Variants in XKR4 observed in about 807,000 individuals in gnomAD.
XKR4 encodes XK related 4, also known as XK-related protein 4.
A neutral mutation model predicts 53.9 loss-of-function variants in XKR4; 12 were observed. That is an observed-to-expected ratio of 0.22 (90% CI 0.14 to 0.36). The LOEUF (loss-of-function observed/expected upper bound fraction) is 0.36. Ranked by LOEUF, XKR4 falls within the 10% of genes least tolerant of loss-of-function variation. The probability of loss-of-function intolerance (pLI) is 1.00; values close to 1 mark genes in which losing one functional copy is unlikely to be tolerated. For missense variants in XKR4, 799 were observed against 859.5 expected (o/e 0.93, Z 0.88); for synonymous variants, 354 against 362.4 (o/e 0.98, Z 0.26).
At chr8:55,191,990 CT>C (rs1350538876) in intron 1 of XKR4, among the ~76,000 whole-genome samples, 1 of 151,464 alleles carries the variant, frequency 6.6e-6, no homozygotes, top group Non-Finnish European at 1.5e-5. Context: ...AATTTATTAA[CT>C]TTGAGAGAGT....
chr8:55,479,311 A>G (rs1395457239), intron 2 of XKR4, among the ~76,000 whole-genome samples: 1 of 152,132 alleles, frequency 6.6e-6, no homozygotes, highest in Non-Finnish European at 1.5e-5. Context: ...TGGGTACATA[A>G]CAAAATGAAG....
chr8:55,309,802 T>G (rs1170607090), intron 1 of XKR4, among the ~76,000 whole-genome samples: 3 of 152,226 alleles, frequency 2.0e-5, no homozygotes, highest in Non-Finnish European at 4.4e-5. Context: ...TGCTGCTTAT[T>G]ATAGCCACGA....
At chr8:55,393,440 AAGG>A (rs1249421175) in intron 2 of XKR4, among the ~76,000 whole-genome samples, 15 of 151,270 alleles carry the variant, frequency 9.9e-5, no homozygotes, top group East Asian at 5.9e-4. Context: ...GGAAGGAAGG[AAGG>A]AAGGAAGGAA....
At chr8:55,450,874 C>A in intron 2 of XKR4, 1 of 472,046 alleles carries the variant, frequency 2.1e-6, no homozygotes, top group Non-Finnish European at 4.0e-6. Context: ...CAGGAGCTCC[C>A]CCCTCCCAGC....
At chr8:55,496,128 G>T (rs1165942667) in intron 2 of XKR4, among the ~76,000 whole-genome samples, 1 of 152,198 alleles carries the variant, frequency 6.6e-6, no homozygotes, top group Non-Finnish European at 1.5e-5. Flanking sequence ...GTAGGCATTT[G>T]ATATATGTTA....
In XKR4 at chr8:55,328,533, C is replaced by T. The variant is rs1201649696; in HGVS notation, c.807-29145C>T. Among the ~76,000 whole-genome samples, 3 of 152,314 alleles carry T rather than the reference C, an allele frequency of 2.0e-5. No homozygotes were observed. In the East Asian group the frequency reaches 5.8e-4, roughly 29 times the overall value. ...GCCCATCTAATTCCTTTCAACCTCA[C>T]TACCATGACCTCTTACTTGAAGAGC... On this transcript the variant is annotated intron_variant, in intron 1 of 2. Transcript: ENST00000327381.
At chr8:55,284,056 C>T (rs928557139) in intron 1 of XKR4, among the ~76,000 whole-genome samples, 1 of 152,194 alleles carries the variant, frequency 6.6e-6, no homozygotes, top group Non-Finnish European at 1.5e-5. Context: ...CTCTTCTCCT[C>T]TTTGGTACTA....
In XKR4 at chr8:55,532,547, A is replaced by T. The variant is rs1433918171; in HGVS notation, c.*8320A>T. 6.6e-6 allele frequency: 1 copy of T among 152,120 alleles called. No homozygotes were observed. The highest frequency in any genetic ancestry group is 1.5e-5 in the Non-Finnish European group (1 of 68,030). 9.4% of individuals were successfully genotyped at this position (152,120 alleles called of 1,614,324 possible). A position where few individuals can be genotyped will look rare whatever the true frequency, so the allele number is the denominator to read the frequency against. On this transcript the variant is annotated 3_prime_UTR_variant, in exon 3 of 3. Coordinates refer to ENST00000327381, the MANE Select transcript of XKR4 (RefSeq NM_052898.2). ...GCAGTGGCTCACGCCTGTAATCCCA[A>T]CACTTTGGGAGGCTGAGGCGGGCGG...
intron 2 of XKR4, among the ~76,000 whole-genome samples, chr8:55,393,779 C>A (rs1350539269): frequency 6.6e-6 from 1 of 152,184 alleles, no homozygotes; most frequent in Non-Finnish European, 1.5e-5. Context: ...ACAAACGTCC[C>A]TTTTAAAGAC....
At chr8:55,398,221 C>G (rs1804550713) in intron 2 of XKR4, among the ~76,000 whole-genome samples, 1 of 152,150 alleles carries the variant, frequency 6.6e-6, no homozygotes, top group African/African-American at 2.4e-5. Flanking sequence ...CAGAAGTAGA[C>G]CTGACCCCAC....
intron 1 of XKR4, among the ~76,000 whole-genome samples, chr8:55,340,168 A>G (rs1803521842): frequency 6.6e-6 from 1 of 152,246 alleles, no homozygotes; most frequent in South Asian, 2.1e-4. Flanking sequence ...GTATAGCACA[A>G]TGCTCAAAGA....
chr8:55,222,522 A>G (rs959945053), intron 1 of XKR4, among the ~76,000 whole-genome samples: 4 of 152,252 alleles, frequency 2.6e-5, no homozygotes, highest in African/African-American at 7.2e-5. Context: ...TACTGAATCT[A>G]AAGTAGATCA....
intron 2 of XKR4, among the ~76,000 whole-genome samples, chr8:55,384,140 G>T (rs145014110): frequency 1.3e-5 from 2 of 152,304 alleles, no homozygotes; most frequent in Non-Finnish European, 2.9e-5. Flanking sequence ...ACATGGCAAA[G>T]CACAGGACGT....
At chr8:55,258,481 C>T (rs1332552029) in intron 1 of XKR4, among the ~76,000 whole-genome samples, 1 of 152,106 alleles carries the variant, frequency 6.6e-6, no homozygotes, top group East Asian at 1.9e-4. Flanking sequence ...CAATTAAATT[C>T]CTATAATCCC....
At chr8:55,294,176 T>C (rs1291800473) in intron 1 of XKR4, among the ~76,000 whole-genome samples, 1 of 152,182 alleles carries the variant, frequency 6.6e-6, no homozygotes, top group Non-Finnish European at 1.5e-5. Context: ...GATTTGTTCA[T>C]TTCTGTTAGT....
chr8:55,425,642 C>A (rs1805001139), intron 2 of XKR4, among the ~76,000 whole-genome samples: 1 of 152,166 alleles, frequency 6.6e-6, no homozygotes, highest in Admixed American at 6.5e-5. Context: ...GTTAGCCCCT[C>A]CGTTACCCAC....
chr8:55,479,417 T>C (rs550395073), intron 2 of XKR4, among the ~76,000 whole-genome samples: 7 of 151,934 alleles, frequency 4.6e-5, no homozygotes, highest in Non-Finnish European at 1.0e-4. Context: ...GAGGGAAATT[T>C]ATAGCACTAA....
intron 2 of XKR4, among the ~76,000 whole-genome samples, chr8:55,461,103 G>A (rs533408306): frequency 6.6e-6 from 1 of 152,360 alleles, no homozygotes; most frequent in South Asian, 2.1e-4. Flanking sequence ...AAATGTCCCT[G>A]TCTGACTGCT....
At chr8:55,211,077 CTTGATTTTTCAG>C (rs1817724184) in intron 1 of XKR4, among the ~76,000 whole-genome samples, 1 of 152,172 alleles carries the variant, frequency 6.6e-6, no homozygotes, top group Non-Finnish European at 1.5e-5. Flanking sequence ...GTGCCTGCAA[CTTGATTTTTCAG>C]GCTGTTCTTT....
Sources: gnomAD v4.1 joint callset for allele counts (sites outside exome capture counted in the v4.1 genomes callset) on GRCh38, gnomAD v4.1.1 for gene constraint, MANE v1.5 for transcripts, NCBI Gene and HGNC (gene_info 2026-07-23, HGNC 2026-07-21) for gene names.